Variants in NT5DC3 observed in about 807,000 individuals in gnomAD.
NT5DC3 encodes 5'-nucleotidase domain-containing protein 3.
Under a neutral mutation model 67.8 loss-of-function variants are expected in NT5DC3, and 42 were observed. The observed-to-expected ratio is 0.62, with a 90% CI of 0.48 to 0.80. NT5DC3 has a LOEUF of 0.80. Ranked by LOEUF, NT5DC3 falls within the 30% of genes least tolerant of loss-of-function variation. The probability of loss-of-function intolerance (pLI) is 0.00; values close to 1 mark genes in which losing one functional copy is unlikely to be tolerated. For synonymous variants in NT5DC3, 237 were observed against 255.6 expected, an observed-to-expected ratio of 0.93 and a Z score of 0.69; for missense variants, 570 against 696.4, an observed-to-expected ratio of 0.82 and a Z score of 2.04.
At chr12:103,793,326 T>G in intron 8 of NT5DC3, 61 bp from the exon 9 acceptor site, 8 of 1,566,990 alleles carry the variant, frequency 5.1e-6, no homozygotes, top group Non-Finnish European at 7.0e-6. Context: ...GTCTGTAACT[T>G]TTTCTTTCCA....
chr12:103,767,217 G>A (rs1015229804), downstream of NT5DC3, among the ~76,000 whole-genome samples: 1 of 152,186 alleles, frequency 6.6e-6, no homozygotes, highest in Non-Finnish European at 1.5e-5. Flanking sequence ...TGAAGCTGTG[G>A]TATTCCAAAC....
At chr12:103,782,941 G>A (rs1458891479) in intron 12 of NT5DC3, among the ~76,000 whole-genome samples, 3 of 151,768 alleles carry the variant, frequency 2.0e-5, no homozygotes, top group East Asian at 1.9e-4. Context: ...AGCCAAGATC[G>A]CGCCACTGCA....
At chr12:103,789,117 T>C (rs555212381) in intron 9 of NT5DC3, 198 bp from the exon 10 acceptor site, 18 of 530,282 alleles carry the variant, frequency 3.4e-5, no homozygotes, top group Middle Eastern at 5.1e-4. Context: ...CCAAAGGTGT[T>C]CCACGAAAAA....
chr12:103,763,362 T>A, the NT5DC3 span: 194 of 695,866 alleles, frequency 2.8e-4, 1 homozygote, highest in East Asian at 4.8e-3. Context: ...GTGAATCATC[T>A]CTCAACAAAG....
At chr12:103,748,605 TACACACACACACACAC>T in the NT5DC3 span, among the ~76,000 whole-genome samples, 870 of 141,728 alleles carry the variant, frequency 6.1e-3, 5 homozygotes, top group African/African-American at 0.013. Flanking sequence ...CACACACACA[TACACACACACACACAC>T]ACACACACAC....
At position 103,794,098 on chromosome 12, in the gene NT5DC3, G is replaced by A. The variant is rs1367420083; in HGVS notation, c.754-101C>T. ...TCATGGTAACTTCTGTCCCTAGAAA[G>A]TCTGACAATCCAGGCCCTACACAAA... On this transcript the variant is annotated intron_variant, in intron 6 of 13. Coordinates refer to ENST00000392876, the MANE Select transcript of NT5DC3 (RefSeq NM_001031701.3). The A allele has an allele frequency of 8.2e-6, 7 of 850,196 alleles. No individual in the cohort carries two copies. In the East Asian group the frequency reaches 1.9e-4, roughly 24 times the overall value. 52.7% of individuals were successfully genotyped at this position (850,196 alleles called of 1,614,324 possible). A position where few individuals can be genotyped will look rare whatever the true frequency, so the allele number is the denominator to read the frequency against.
intron 4 of NT5DC3, among the ~76,000 whole-genome samples, chr12:103,800,041 C>G (rs372417665): frequency 6.6e-6 from 1 of 152,174 alleles, no homozygotes; most frequent in South Asian, 2.1e-4. Flanking sequence ...TGTGCTACAA[C>G]AGGAGTATAA....
intron 13 of NT5DC3, among the ~76,000 whole-genome samples, chr12:103,778,680 T>C (rs1190397311): frequency 6.6e-6 from 1 of 151,670 alleles, no homozygotes; most frequent in East Asian, 1.9e-4. Flanking sequence ...GTGGCATATG[T>C]CTGTAGTTCC....
rs375164526 is a variant in NT5DC3 at position 103,774,737 on chromosome 12, C to G, written c.*3092G>C. On this transcript the variant is annotated 3_prime_UTR_variant, in exon 14 of 14. Coordinates refer to ENST00000392876, the MANE Select transcript of NT5DC3 (RefSeq NM_001031701.3). ...AGAGTCATGACGAGGCCAGGCATGA[C>G]AGTGGCTCACACCCAGAATCCCAGC... 3 of 144,950 alleles carry G rather than the reference C, an allele frequency of 2.1e-5. No individual in the cohort carries two copies. In the East Asian group the frequency reaches 6.0e-4, roughly 29 times the overall value. 9.0% of individuals were successfully genotyped at this position (144,950 alleles called of 1,614,324 possible).
the NT5DC3 span, among the ~76,000 whole-genome samples, chr12:103,760,877 C>A: frequency 1.8e-4 from 28 of 152,200 alleles, no homozygotes; most frequent in African/African-American, 6.5e-4. Flanking sequence ...GGAGAAGGCA[C>A]AGGGCCTCAG....
chr12:103,795,278 A>G (rs11111785), intron 6 of NT5DC3, among the ~76,000 whole-genome samples: 41,386 of 151,798 alleles, frequency 0.27, 6,116 homozygotes, highest in East Asian at 0.6. Flanking sequence ...TGCCTACCTT[A>G]TATTATTATG....
chr12:103,746,971 TC>T, the NT5DC3 span, among the ~76,000 whole-genome samples: 6 of 120,206 alleles, frequency 5.0e-5, no homozygotes, highest in Non-Finnish European at 8.9e-5. Flanking sequence ...TTTTTTTTTT[TC>T]CGAGATGGAC....
At chr12:103,763,208 G>GC in the NT5DC3 span, 2 of 334,712 alleles carry the variant, frequency 6.0e-6, no homozygotes, top group Admixed American at 8.7e-5. Context: ...ACCCTGGGTG[G>GC]CAGGCACCAG....
chr12:103,755,298 G>A, the NT5DC3 span: 1 of 1,613,534 alleles, frequency 6.2e-7, no homozygotes. Flanking sequence ...CTGTATCCCT[G>A]CAGGCCAAGT....
chr12:103,753,268 A>G, the NT5DC3 span: 85 of 1,614,100 alleles, frequency 5.3e-5, no homozygotes, highest in Non-Finnish European at 5.9e-6. Context: ...GGCCAGTATA[A>G]GCTGACCTTT....
chr12:103,790,528 T>A (rs1886000254), intron 9 of NT5DC3, among the ~76,000 whole-genome samples: 1 of 152,050 alleles, frequency 6.6e-6, no homozygotes, highest in Non-Finnish European at 1.5e-5. Flanking sequence ...CCCAAAGTGC[T>A]GGGACTACAG....
intron 13 of NT5DC3, 42 bp downstream of exon 13, chr12:103,780,258 A>C (rs1236427181): frequency 6.5e-7 from 1 of 1,547,378 alleles, no homozygotes; most frequent in South Asian, 1.1e-5. Flanking sequence ...CACAGCCAGA[A>C]CAGGGTGGTG....
rs574699831 is a variant in NT5DC3, at chr12:103,834,750, C to T, written c.208+6199G>A. Among the ~76,000 whole-genome samples the T allele has an allele frequency of 3.5e-4, 53 of 152,218 alleles. 1 individual carries two copies. The highest frequency in any genetic ancestry group is 1.2e-3 in the African/African-American group (50 of 41,558). On this transcript the variant is annotated intron_variant, in intron 1 of 13. Coordinates refer to ENST00000392876, the MANE Select transcript of NT5DC3 (RefSeq NM_001031701.3). The stretch of plus-strand genomic sequence containing the variant: ...GAAGGATGGGAGAGAAAGGATAAAA[C>T]AAAGCTTTAAAAAGCATCCTTTCCC...
At chr12:103,750,996 GA>G in the NT5DC3 span, among the ~76,000 whole-genome samples, 1 of 152,236 alleles carries the variant, frequency 6.6e-6, no homozygotes, top group Non-Finnish European at 1.5e-5. Context: ...GGAGGCTGAG[GA>G]AAGCGAAAAG....
Sources: gnomAD v4.1 joint callset for allele counts (sites outside exome capture counted in the v4.1 genomes callset) on GRCh38, gnomAD v4.1.1 for gene constraint, MANE v1.5 for transcripts, NCBI Gene and HGNC (gene_info 2026-07-23, HGNC 2026-07-21) for gene names.